DEPDC1: variants seen among roughly 807,000 people sequenced by gnomAD.
The protein encoded by DEPDC1 is DEP domain containing 1.
Under a neutral mutation model 86.8 loss-of-function variants are expected in DEPDC1, and 66 were observed. That is an observed-to-expected ratio of 0.76 (90% CI 0.62 to 0.93). The LOEUF (loss-of-function observed/expected upper bound fraction) is 0.93, where lower values mean the gene tolerates loss of function less well. Ranked by LOEUF, DEPDC1 falls within the 40% of genes least tolerant of loss-of-function variation. DEPDC1 has a pLI of 0.00. For synonymous variants in DEPDC1, 255 were observed against 314.9 expected, an observed-to-expected ratio of 0.81 and a Z score of 2.02; for missense variants, 792 against 935.7, an observed-to-expected ratio of 0.85 and a Z score of 2.00.
chr1:68,487,875 A>C (rs1459034824), intron 5 of DEPDC1, among the ~76,000 whole-genome samples: 1 of 151,914 alleles, frequency 6.6e-6, no homozygotes. Context: ...ATAAATATAT[A>C]AAACAAAAAA....
intron 5 of DEPDC1, 25 bp downstream of exon 5, chr1:68,488,349 G>T (rs1484437000): frequency 6.4e-7 from 1 of 1,553,858 alleles, no homozygotes; most frequent in Admixed American, 2.1e-5. Context: ...GTTTTTAAAA[G>T]TCCAATTATT....
chr1:68,488,521 A>T lies in DEPDC1; in HGVS notation c.591-17T>A. 6.3e-7 allele frequency: 1 copy of T among 1,590,414 alleles called. No homozygotes were observed. The highest frequency in any genetic ancestry group is 8.6e-7 in the Non-Finnish European group (1 of 1,169,362). On this transcript the variant is annotated splice_polypyrimidine_tract_variant and intron_variant, in intron 4 of 11. Coordinates refer to ENST00000456315, the MANE Select transcript of DEPDC1 (RefSeq NM_001114120.3). The stretch of plus-strand genomic sequence containing the variant: ...GTTTGCAGGCTAAATAGAAGAAAGA[A>T]TATTAACTTTTTTTCTTCATAAATA...
In DEPDC1 at chr1:68,496,267, C is replaced by T. The variant is rs553411720; in HGVS notation, c.48+685G>A. On this transcript the variant is annotated intron_variant, in intron 1 of 11. Coordinates refer to ENST00000456315, the MANE Select transcript of DEPDC1 (RefSeq NM_001114120.3). The surrounding 1 kb of genome is among the most constrained non-coding windows in gnomAD (Gnocchi z 4.0). ...CTTAAGGCAAGCATGTATTAGTAAC[C>T]TTTACCAATGTGGAAACAGGCTCAC... 4.6e-5 allele frequency among the ~76,000 whole-genome samples: 7 copies of T among 152,266 alleles called. No homozygotes were observed. The South Asian group carries it at 1.5e-3, about 32-fold the overall frequency.
Position 68,477,771 on chromosome 1 carries a change from T to C in DEPDC1, c.2298+16A>G, listed in dbSNP as rs1646126716. The C allele has an allele frequency of 2.1e-6, 3 of 1,434,874 alleles. No homozygotes were observed. In the African/African-American group the frequency reaches 4.3e-5, roughly 20 times the overall value. 88.9% of individuals were successfully genotyped at this position (1,434,874 alleles called of 1,614,324 possible). A position where few individuals can be genotyped will look rare whatever the true frequency, so the allele number is the denominator to read the frequency against. On this transcript the variant is annotated intron_variant, in intron 11 of 11. Transcript: ENST00000456315. ...AGAAAATGTTTACATGATTGAGAAC[T>C]TGCTCATTCTCTTACCTGTTTTAGT...
rs757852645 is a variant in DEPDC1, at chr1:68,476,887, T to C, written c.*45A>G. 19 of 1,453,718 alleles carry C rather than the reference T, an allele frequency of 1.3e-5. No individual in the cohort carries two copies. The highest frequency in any genetic ancestry group is 1.8e-5 in the Non-Finnish European group (19 of 1,081,704). The allele number at this position is 1,453,718 out of a possible 1,614,324, so 90.1% of individuals were successfully genotyped here. On this transcript the variant is annotated 3_prime_UTR_variant, in exon 12 of 12. Transcript: ENST00000456315. ...AGCTACATTCTCAGATATGGCTTCA[T>C]TTATCAAAGTTCCACAAGTATTACA...
rs367667293 is a variant in DEPDC1, at chr1:68,497,027, T to C, written c.-28A>G. On this transcript the variant is annotated 5_prime_UTR_variant, in exon 1 of 12. An upstream start codon of the reference 5' UTR is lost. Transcript: ENST00000456315. Reference sequence around the variant, plus strand: ...GTCTGTCAGCGCCCGGTGGCGTCCATGGCGGCGAAGGCGACACTCAGGCCC... The same window carrying C: ...GTCTGTCAGCGCCCGGTGGCGTCCACGGCGGCGAAGGCGACACTCAGGCCC... 4.5e-4 allele frequency: 731 copies of C among 1,610,728 alleles called. 1 individual carries two copies. Among genetic ancestry groups the C allele is most frequent in the Middle Eastern group, 6.6e-4 (4 of 6,032 alleles).
chr1:68,486,817 A>G, intron 6 of DEPDC1, 120 bp downstream of exon 6: 1 of 1,084,730 alleles, frequency 9.2e-7, no homozygotes, highest in Non-Finnish European at 1.2e-6. Context: ...AAGAGAAATG[A>G]TATACTTTAA....
intron 5 of DEPDC1, among the ~76,000 whole-genome samples, chr1:68,487,353 G>A (rs1646199973): frequency 6.6e-6 from 1 of 151,746 alleles, no homozygotes; most frequent in Non-Finnish European, 1.5e-5. Flanking sequence ...TCTGCCTATT[G>A]CTATGCTATT....
At position 68,486,921 on chromosome 1, in the gene DEPDC1, CAT is replaced by C. The variant is rs71071309; in HGVS notation, c.769+14_769+15del. The C allele has an allele frequency of 2.5e-5, 36 of 1,468,050 alleles. No individual in the cohort carries two copies. Among genetic ancestry groups the C allele is most frequent in the South Asian group, 6.6e-5 (5 of 75,428 alleles). 90.9% of individuals were successfully genotyped at this position (1,468,050 alleles called of 1,614,324 possible). The stretch of plus-strand genomic sequence containing the variant: ...ACACACACACACACACACACACACA[CAT>C]ATATTTAACTTACAATTTGCTAGGC... On this transcript the variant is annotated intron_variant, in intron 6 of 11. Coordinates refer to ENST00000456315, the MANE Select transcript of DEPDC1 (RefSeq NM_001114120.3).
At chr1:68,485,373 A>G (rs1646186660) in intron 6 of DEPDC1, among the ~76,000 whole-genome samples, 1 of 152,078 alleles carries the variant, frequency 6.6e-6, no homozygotes, top group Admixed American at 6.6e-5. Flanking sequence ...CATTTGCACT[A>G]AAAGAAGATA....
intron 9 of DEPDC1, among the ~76,000 whole-genome samples, chr1:68,480,252 C>CACCA (rs1553155658): frequency 0.14 from 20,388 of 145,392 alleles, 1,555 homozygotes; most frequent in African/African-American, 0.22. Context: ...TCTAACTGTA[C>CACCA]CACACACACA....
In DEPDC1 at chr1:68,488,928, A is replaced by C; in HGVS notation, c.578T>G (p.Val193Gly). ...AATTTTATCTTACTAGATCAGAATA[A>C]CATATCTCCAAACTTCTTCAACATC... ...QEDVEEVWRY[V>G]ILIYLQTILG... Residue 193 changes from valine (V) to glycine (G), a missense_variant, in exon 4 of 12, where the codon GTT becomes GGT. Transcript: ENST00000456315. 6.3e-7 allele frequency: 1 copy of C among 1,576,346 alleles called. No homozygotes were observed. Among genetic ancestry groups the C allele is most frequent in the East Asian group, 2.2e-5 (1 of 44,478 alleles).
At chr1:68,485,865 C>T (rs2100259029) in intron 6 of DEPDC1, among the ~76,000 whole-genome samples, 1 of 152,114 alleles carries the variant, frequency 6.6e-6, no homozygotes, top group East Asian at 1.9e-4. Flanking sequence ...TTACCCTGAA[C>T]ATTAATAAAA....
At chr1:68,483,043 G>A in intron 7 of DEPDC1, 146 bp from the exon 8 acceptor site, 3 of 828,532 alleles carry the variant, frequency 3.6e-6, no homozygotes, top group South Asian at 1.9e-5. Context: ...TAATTCAGAA[G>A]CCACTTAAAT....
In DEPDC1 at chr1:68,482,466, T is replaced by C. The variant is rs1338656200; in HGVS notation, c.1342A>G (p.Ile448Val). The C allele has an allele frequency of 1.9e-6, 3 of 1,612,972 alleles. No individual in the cohort carries two copies. Among genetic ancestry groups the C allele is most frequent in the South Asian group, 2.2e-5 (2 of 91,070 alleles). Residue 448 changes from isoleucine (I) to valine (V), a missense_variant, in exon 8 of 12, where the codon ATA (isoleucine) becomes GTA (valine). By Grantham distance (29) the Ile-to-Val change is conservative. Transcript: ENST00000456315. ...AACAGTTTATTATTTTGTCCTTCTA[T>C]GTTCGGAAAAGATTGATGAAAGACA... ...SSVFHQSFPNIEGQNNKLFLE... is the reference protein window; with the variant it reads ...SSVFHQSFPNVEGQNNKLFLE...
At chr1:68,479,374 A>G (rs1232574966) in intron 9 of DEPDC1, 54 bp from the exon 10 acceptor site, 6 of 1,326,528 alleles carry the variant, frequency 4.5e-6, no homozygotes, top group Non-Finnish European at 6.1e-6. Context: ...CATACAAACT[A>G]GAATATCGGT....
At position 68,494,374 on chromosome 1, in the gene DEPDC1, A is replaced by G; in HGVS notation, c.314+56T>C. 2.7e-6 allele frequency: 4 copies of G among 1,470,276 alleles called. No homozygotes were observed. In the South Asian group the frequency reaches 5.2e-5, roughly 19 times the overall value. 91.1% of individuals were successfully genotyped at this position (1,470,276 alleles called of 1,614,324 possible). A position where few individuals can be genotyped will look rare whatever the true frequency, so the allele number is the denominator to read the frequency against. On this transcript the variant is annotated intron_variant, in intron 2 of 11. Transcript: ENST00000456315. Reference sequence around the variant, plus strand: ...GCTGTTATAGTAAAAGTATAATATAAGTAGAGATAAAACTTTACAGTAATT... The same window carrying G: ...GCTGTTATAGTAAAAGTATAATATAGGTAGAGATAAAACTTTACAGTAATT...
Position 68,481,901 on chromosome 1 carries a change from T to C in DEPDC1, c.1762+145A>G. The C allele has an allele frequency of 3.6e-6, 3 of 826,882 alleles. No homozygotes were observed. In the South Asian group the frequency reaches 7.8e-5, roughly 22 times the overall value. The allele number at this position is 826,882 out of a possible 1,614,324, so 51.2% of individuals were successfully genotyped here. On this transcript the variant is annotated intron_variant, in intron 8 of 11. Coordinates refer to ENST00000456315, the MANE Select transcript of DEPDC1 (RefSeq NM_001114120.3). ...AGGTAAACAGAATAAATCTTGGTTATGTCACAGACAAAAGTCTTTTTAAAT... is the reference window on the plus strand; with the variant it reads ...AGGTAAACAGAATAAATCTTGGTTACGTCACAGACAAAAGTCTTTTTAAAT...
chr1:68,479,475 A>G (rs1003551343), intron 9 of DEPDC1, among the ~76,000 whole-genome samples, 155 bp from the exon 10 acceptor site: 5 of 152,044 alleles, frequency 3.3e-5, no homozygotes, highest in Non-Finnish European at 5.9e-5. Context: ...ACAGTTAGAA[A>G]TGTAAGAATT....
Sources: gnomAD v4.1 joint callset for allele counts (sites outside exome capture counted in the v4.1 genomes callset) on GRCh38, gnomAD v4.1.1 for gene constraint, Gnocchi (gnomAD v3.1) non-coding constraint, MANE v1.5 for transcripts, NCBI Gene and HGNC (gene_info 2026-07-23, HGNC 2026-07-21) for gene names.